ADAMTS3: variants seen among roughly 807,000 people sequenced by gnomAD.
ADAMTS3 encodes ADAM metallopeptidase with thrombospondin type 1 motif 3.
ADAMTS3 carries 73 observed loss-of-function variants against 129.0 expected under a neutral mutation model. The ratio of observed to expected loss-of-function variants is 0.57; its 90% CI spans 0.47 to 0.69. The LOEUF (loss-of-function observed/expected upper bound fraction) is 0.69. ADAMTS3 is among the 30% of genes least tolerant of loss of function. The pLI is 0.00. For missense variants in ADAMTS3, 1,457 were observed against 1,514.5 expected (o/e 0.96, Z 0.63); for synonymous variants, 477 against 510.8 (o/e 0.93, Z 0.89).
intron 15 of ADAMTS3, among the ~76,000 whole-genome samples, chr4:72,307,041 C>CAATA (rs1719106978): frequency 6.6e-6 from 1 of 151,844 alleles, no homozygotes; most frequent in Non-Finnish European, 1.5e-5. Flanking sequence ...CCTACACCTT[C>CAATA]AATACATTAT....
In ADAMTS3 at chr4:72,284,923, C is replaced by G. The variant is rs111460800; in HGVS notation, c.3050-1219G>C. ...GACATATCCTGTGCCTCTCTGATAACAGAACCAGTGCATAGAGTAGCATCC... is the reference window on the plus strand; with the variant it reads ...GACATATCCTGTGCCTCTCTGATAAGAGAACCAGTGCATAGAGTAGCATCC... On this transcript the variant is annotated intron_variant, in intron 21 of 21. Transcript: ENST00000286657. Among the ~76,000 whole-genome samples, 1,035 of 152,286 alleles carry G rather than the reference C, an allele frequency of 6.8e-3. 9 individuals are homozygous for G. The highest frequency in any genetic ancestry group is 0.023 in the African/African-American group (975 of 41,552).
chr4:72,502,548 T>C (rs1177569300), intron 3 of ADAMTS3, among the ~76,000 whole-genome samples: 1 of 152,126 alleles, frequency 6.6e-6, no homozygotes, highest in African/African-American at 2.4e-5. Context: ...GTTTATTCTT[T>C]CAAACGCCTA....
At chr4:72,470,465 CATATT>C (rs1239490979) in intron 3 of ADAMTS3, among the ~76,000 whole-genome samples, 4 of 147,398 alleles carry the variant, frequency 2.7e-5, no homozygotes, top group Non-Finnish European at 6.0e-5. Flanking sequence ...ATAATATATA[CATATT>C]ATGAGTATGT....
rs562164167 is a variant in ADAMTS3, at chr4:72,303,365, C to A, written c.2424+552G>T. On this transcript the variant is annotated intron_variant, in intron 17 of 21. Transcript: ENST00000286657. ...AAACCCTTGGAACTCGCTGCAAGAT[C>A]ATAAAAACACAGTGCTGAAAGAAGG... Among the ~76,000 whole-genome samples the A allele has an allele frequency of 2.6e-5, 4 of 151,988 alleles. No individual in the cohort carries two copies. In the East Asian group the frequency reaches 7.8e-4, roughly 30 times the overall value.
intron 4 of ADAMTS3, among the ~76,000 whole-genome samples, chr4:72,392,466 A>G (rs1721620761): frequency 6.6e-6 from 1 of 152,232 alleles, no homozygotes; most frequent in Non-Finnish European, 1.5e-5. Context: ...TATTATATGC[A>G]TACATCATAG....
chr4:72,517,725 CT>C (rs1720531300), intron 3 of ADAMTS3, among the ~76,000 whole-genome samples: 1 of 151,658 alleles, frequency 6.6e-6, no homozygotes, highest in South Asian at 2.1e-4. Flanking sequence ...ATTCTTCTCT[CT>C]TTTTTTCTTT....
At chr4:72,418,482 T>C (rs1298128286) in intron 3 of ADAMTS3, among the ~76,000 whole-genome samples, 4 of 152,136 alleles carry the variant, frequency 2.6e-5, no homozygotes, top group African/African-American at 9.7e-5. Flanking sequence ...CACACAATCA[T>C]CCAGGAGTCC....
At chr4:72,514,356 C>T (rs1270329582) in intron 3 of ADAMTS3, among the ~76,000 whole-genome samples, 1 of 152,094 alleles carries the variant, frequency 6.6e-6, no homozygotes, top group Non-Finnish European at 1.5e-5. Context: ...TAGATGCTCA[C>T]CTTTGTTTGC....
At chr4:72,377,484 T>G (rs2109874595) in intron 4 of ADAMTS3, among the ~76,000 whole-genome samples, 1 of 152,318 alleles carries the variant, frequency 6.6e-6, no homozygotes, top group Admixed American at 6.5e-5. Context: ...TGTTAAAACC[T>G]GCTCTGAAAA....
intron 4 of ADAMTS3, among the ~76,000 whole-genome samples, chr4:72,359,346 T>C (rs1334212734): frequency 6.6e-6 from 1 of 152,062 alleles, no homozygotes; most frequent in Non-Finnish European, 1.5e-5. Context: ...AAGGTATTAT[T>C]GTACAAATAA....
At chr4:72,548,119 T>G (rs1721511009) in intron 3 of ADAMTS3, among the ~76,000 whole-genome samples, 1 of 152,164 alleles carries the variant, frequency 6.6e-6, no homozygotes, top group African/African-American at 2.4e-5. Context: ...TAAAATACGG[T>G]CATTTTGAAG....
At chr4:72,487,781 G>T (rs978329471) in intron 3 of ADAMTS3, among the ~76,000 whole-genome samples, 7 of 151,914 alleles carry the variant, frequency 4.6e-5, no homozygotes, top group Non-Finnish European at 8.8e-5. Context: ...TAAAGAGATG[G>T]CAACAAAAAG....
intron 4 of ADAMTS3, among the ~76,000 whole-genome samples, chr4:72,389,202 G>A (rs1721521978): frequency 1.3e-5 from 2 of 152,092 alleles, no homozygotes; most frequent in African/African-American, 4.8e-5. Flanking sequence ...GCCTTTCCGA[G>A]GATAACAGCC....
intron 4 of ADAMTS3, among the ~76,000 whole-genome samples, chr4:72,398,037 G>T (rs768629115): frequency 3.9e-5 from 6 of 152,238 alleles, no homozygotes; most frequent in Non-Finnish European, 7.4e-5. Flanking sequence ...GTTATCAGGA[G>T]ACAAAAGAAA....
At chr4:72,468,955 C>A (rs1357404496) in intron 3 of ADAMTS3, among the ~76,000 whole-genome samples, 1 of 152,030 alleles carries the variant, frequency 6.6e-6, no homozygotes, top group Non-Finnish European at 1.5e-5. Context: ...ATCTTTCTTA[C>A]CAAGAATAAT....
chr4:72,544,899 T>C (rs1578782365), intron 3 of ADAMTS3, among the ~76,000 whole-genome samples: 2 of 152,118 alleles, frequency 1.3e-5, no homozygotes, highest in South Asian at 2.1e-4. Context: ...TAACCATCTT[T>C]AAATTTAATT....
chr4:72,552,316 G>A (rs1486785742), intron 2 of ADAMTS3, among the ~76,000 whole-genome samples: 1 of 152,150 alleles, frequency 6.6e-6, no homozygotes, highest in Non-Finnish European at 1.5e-5. Flanking sequence ...TTTGGTGAGA[G>A]TTTTACATAA....
intron 3 of ADAMTS3, among the ~76,000 whole-genome samples, chr4:72,506,586 A>G (rs1388105972): frequency 2.0e-5 from 3 of 152,208 alleles, no homozygotes; most frequent in Non-Finnish European, 4.4e-5. Context: ...TGCTGTTCTC[A>G]GTCCCACATC....
chr4:72,404,748 T>C (rs1469279780), intron 4 of ADAMTS3, among the ~76,000 whole-genome samples: 3 of 151,752 alleles, frequency 2.0e-5, no homozygotes, highest in Non-Finnish European at 2.9e-5. Context: ...TTGCAAACCA[T>C]ATATCTGATA....
Sources: allele counts gnomAD v4.1 joint callset (sites outside exome capture counted in the v4.1 genomes callset), GRCh38; gene constraint gnomAD v4.1.1; transcripts MANE v1.5; gene names NCBI Gene and HGNC (gene_info 2026-07-23, HGNC 2026-07-21).